Variants in ANKS1B observed in about 807,000 individuals in gnomAD.
ANKS1B encodes ankyrin repeat and sterile alpha motif domain containing 1B.
ANKS1B carries 36 observed loss-of-function variants against 148.3 expected under a neutral mutation model. The ratio of observed to expected loss-of-function variants is 0.24; its 90% CI spans 0.19 to 0.32. The LOEUF (loss-of-function observed/expected upper bound fraction) is 0.32. Among genes scored for constraint, ANKS1B ranks in the 10% least tolerant of loss-of-function variants. The pLI is 1.00. For missense variants in ANKS1B, 1,157 were observed against 1,542.6 expected, an observed-to-expected ratio of 0.75 and a Z score of 4.19; for synonymous variants, 542 against 560.8, an observed-to-expected ratio of 0.97 and a Z score of 0.47.
chr12:99,794,903 A>T (rs1360994297), intron 4 of ANKS1B, among the ~76,000 whole-genome samples: 2 of 152,018 alleles, frequency 1.3e-5, no homozygotes, highest in Non-Finnish European at 2.9e-5. Context: ...TGATGTGATT[A>T]TTGTACATTG....
chr12:99,911,151 G>T (rs2093993915), intron 1 of ANKS1B, among the ~76,000 whole-genome samples: 1 of 152,140 alleles, frequency 6.6e-6, no homozygotes, highest in African/African-American at 2.4e-5. Context: ...AGTTGGCAGA[G>T]CAATGATTTA....
intron 11 of ANKS1B, among the ~76,000 whole-genome samples, chr12:99,427,845 C>T (rs955470116): frequency 3.3e-5 from 5 of 152,024 alleles, no homozygotes; most frequent in African/African-American, 7.2e-5. Context: ...CAGAAGTTAA[C>T]CAGGTAGAGA....
intron 14 of ANKS1B, among the ~76,000 whole-genome samples, chr12:99,222,652 T>C (rs527488116): frequency 2.0e-5 from 3 of 152,246 alleles, no homozygotes; most frequent in Admixed American, 2.0e-4. Context: ...CTCTCTTATA[T>C]GACATCTCAT....
intron 8 of ANKS1B, among the ~76,000 whole-genome samples, chr12:99,671,603 A>G (rs1391016608): frequency 6.6e-6 from 1 of 152,146 alleles, no homozygotes; most frequent in Non-Finnish European, 1.5e-5. Flanking sequence ...TTTGGGAGAA[A>G]AAGTATATAA....
chr12:99,348,906 T>C lies in ANKS1B; in HGVS notation c.1756+50725A>G, dbSNP rs2091076482. Among the ~76,000 whole-genome samples, 3 of 152,076 alleles carry C rather than the reference T, an allele frequency of 2.0e-5. No individual in the cohort carries two copies. In the South Asian group the frequency reaches 6.2e-4, roughly 32 times the overall value. On this transcript the variant is annotated intron_variant, in intron 12 of 26. Transcript: ENST00000683438. Reference sequence around the variant, plus strand: ...TAGGTGAATATAACAAACAGTATTATTGTAATTTCAGTTTGTAACTCCTCT... The same window carrying C: ...TAGGTGAATATAACAAACAGTATTACTGTAATTTCAGTTTGTAACTCCTCT...
rs1326575667 is a variant in ANKS1B at position 98,745,247 on chromosome 12, A to G, written c.*492T>C. ...AGTTGTTTTTGTCCTTTTGCATTAA[A>G]CGATACTCAATGATAGAATGATTTT... On this transcript the variant is annotated 3_prime_UTR_variant, in exon 27 of 27. Coordinates refer to ENST00000683438, the MANE Select transcript of ANKS1B (RefSeq NM_001352186.2). 21 of 985,734 alleles carry G rather than the reference A, an allele frequency of 2.1e-5. No homozygotes were observed. Among genetic ancestry groups the G allele is most frequent in the Non-Finnish European group, 2.4e-5 (20 of 829,982 alleles). The allele number at this position is 985,734 out of a possible 1,614,324, so 61.1% of individuals were successfully genotyped here.
At chr12:99,283,865 A>G (rs1468947325) in intron 12 of ANKS1B, among the ~76,000 whole-genome samples, 1 of 152,136 alleles carries the variant, frequency 6.6e-6, no homozygotes. Flanking sequence ...CCCTGCCACA[A>G]TCTCCTGCTT....
At chr12:99,473,268 T>G (rs1481926002) in intron 10 of ANKS1B, among the ~76,000 whole-genome samples, 3 of 152,140 alleles carry the variant, frequency 2.0e-5, no homozygotes, top group African/African-American at 7.2e-5. Flanking sequence ...TCAATATAGA[T>G]CCACATGGAT....
intron 9 of ANKS1B, among the ~76,000 whole-genome samples, chr12:99,641,924 A>G (rs2098311770): frequency 6.6e-6 from 1 of 152,312 alleles, no homozygotes; most frequent in East Asian, 1.9e-4. Flanking sequence ...TATGCAAACT[A>G]TAAAAGTATA....
At chr12:99,267,538 G>A (rs2076566067) in intron 12 of ANKS1B, among the ~76,000 whole-genome samples, 1 of 135,052 alleles carries the variant, frequency 7.4e-6, no homozygotes. Flanking sequence ...TTGCCAATAA[G>A]AAAATAAAGA....
At chr12:99,389,085 C>A (rs757415344) in intron 12 of ANKS1B, among the ~76,000 whole-genome samples, 13 of 152,174 alleles carry the variant, frequency 8.5e-5, no homozygotes, top group Non-Finnish European at 5.9e-5. Flanking sequence ...AGGATCACAG[C>A]CTTCTTAGAA....
intron 17 of ANKS1B, among the ~76,000 whole-genome samples, chr12:98,882,824 A>C (rs1018982380): frequency 3.9e-5 from 6 of 152,170 alleles, no homozygotes; most frequent in African/African-American, 1.4e-4. Context: ...TAAGATGTTA[A>C]TGAAGCCAAA....
rs571357160 is a variant in ANKS1B, at chr12:99,399,821, A to G, written c.1576-10T>C. The stretch of plus-strand genomic sequence containing the variant: ...ATGTTCGCTGTTTAGGCTAAAATAA[A>G]TGAGCATGACGAGAGTATTAATATG... On this transcript the variant is annotated splice_polypyrimidine_tract_variant and intron_variant, in intron 11 of 26. Coordinates refer to ENST00000683438, the MANE Select transcript of ANKS1B (RefSeq NM_001352186.2). 2 of 1,613,032 alleles carry G rather than the reference A, an allele frequency of 1.2e-6. No individual in the cohort carries two copies. The highest frequency in any genetic ancestry group is 1.7e-6 in the Non-Finnish European group (2 of 1,179,132).
chr12:99,724,910 T>C (rs2058465860), intron 8 of ANKS1B, among the ~76,000 whole-genome samples: 1 of 152,086 alleles, frequency 6.6e-6, no homozygotes. Flanking sequence ...CAAACTAAGC[T>C]TCATAAGCAA....
intron 1 of ANKS1B, among the ~76,000 whole-genome samples, chr12:99,855,682 A>T (rs2088902362): frequency 6.6e-6 from 1 of 152,162 alleles, no homozygotes; most frequent in African/African-American, 2.4e-5. Context: ...GTCTCAACAA[A>T]TTTAAGAAAA....
chr12:99,712,711 G>A lies in ANKS1B; in HGVS notation c.1129-57501C>T, dbSNP rs115871580. On this transcript the variant is annotated intron_variant, in intron 8 of 26. Transcript: ENST00000683438. ...TATCAGATCAAAAAGTACAATGGTG[G>A]CACAGGCATAAGATAATCAATATAG... 3.8e-3 allele frequency among the ~76,000 whole-genome samples: 575 copies of A among 152,274 alleles called. 9 individuals are homozygous for A. The highest frequency in any genetic ancestry group is 0.013 in the African/African-American group (546 of 41,552).
intron 1 of ANKS1B, among the ~76,000 whole-genome samples, chr12:99,915,274 T>C (rs989468396): frequency 3.2e-4 from 48 of 149,332 alleles, no homozygotes; most frequent in African/African-American, 1.1e-3. Context: ...ACCTTCACAT[T>C]GGTGGGAAGA....
At chr12:98,753,787 C>T (rs2098157131) in intron 25 of ANKS1B, among the ~76,000 whole-genome samples, 1 of 152,212 alleles carries the variant, frequency 6.6e-6, no homozygotes, top group African/African-American at 2.4e-5. Context: ...TCAAAAATCA[C>T]AGAAATGTCA....
At chr12:99,169,956 C>G (rs1229463857) in intron 14 of ANKS1B, among the ~76,000 whole-genome samples, 1 of 152,160 alleles carries the variant, frequency 6.6e-6, no homozygotes, top group South Asian at 2.1e-4. Context: ...GAATGCTCAT[C>G]CATACACGTG....
Sources: gnomAD v4.1 joint callset for allele counts (sites outside exome capture counted in the v4.1 genomes callset) on GRCh38, gnomAD v4.1.1 for gene constraint, MANE v1.5 for transcripts, NCBI Gene and HGNC (gene_info 2026-07-23, HGNC 2026-07-21) for gene names.